The following GPD2 variants were observed in gnomAD, a reference collection of about 807,000 sequenced individuals.
The protein encoded by GPD2 is glycerol-3-phosphate dehydrogenase, mitochondrial.
GPD2 carries 54 observed loss-of-function variants against 82.4 expected under a neutral mutation model. The ratio of observed to expected loss-of-function variants is 0.66; its 90% CI spans 0.53 to 0.82. The LOEUF (loss-of-function observed/expected upper bound fraction) is 0.82, where lower values mean the gene tolerates loss of function less well. Ranked by LOEUF, GPD2 falls within the 40% of genes least tolerant of loss-of-function variation. The pLI, the probability that GPD2 is intolerant of heterozygous loss-of-function variation, is 0.00. For synonymous variants in GPD2, 288 were observed against 306.1 expected (o/e 0.94, Z 0.62); for missense variants, 748 against 896.2 (o/e 0.83, Z 2.11).
intron 2 of GPD2, among the ~76,000 whole-genome samples, chr2:156,488,572 T>C (rs1352461739): frequency 2.0e-5 from 3 of 152,190 alleles, no homozygotes; most frequent in Admixed American, 6.5e-5. Flanking sequence ...ACACTAATTA[T>C]TAGATCTTGT....
At chr2:156,502,467 C>T (rs1330005208) in intron 3 of GPD2, among the ~76,000 whole-genome samples, 2 of 152,162 alleles carry the variant, frequency 1.3e-5, no homozygotes, top group East Asian at 3.8e-4. Flanking sequence ...CACTCTATTA[C>T]CCAGGCTGGA....
intron 6 of GPD2, among the ~76,000 whole-genome samples, chr2:156,525,764 A>G (rs1242765326): frequency 1.3e-5 from 2 of 152,176 alleles, no homozygotes; most frequent in Non-Finnish European, 2.9e-5. Context: ...AGATAATTTC[A>G]TTTTGCTTTA....
the GPD2 span, among the ~76,000 whole-genome samples, chr2:156,429,261 A>G: frequency 6.6e-6 from 1 of 152,214 alleles, no homozygotes; most frequent in Admixed American, 6.5e-5. Flanking sequence ...CTCTTTCACT[A>G]GGATGATAAC....
the GPD2 span, among the ~76,000 whole-genome samples, chr2:156,405,435 G>C: frequency 6.6e-6 from 1 of 152,182 alleles, no homozygotes; most frequent in Non-Finnish European, 1.5e-5. Context: ...ATATCACACA[G>C]AGAAAAGAGT....
chr2:156,555,814 G>A (rs1367225665), intron 8 of GPD2, among the ~76,000 whole-genome samples: 1 of 152,092 alleles, frequency 6.6e-6, no homozygotes, highest in Non-Finnish European at 1.5e-5. Context: ...AGTGAAGGTG[G>A]GACTCTGAGC....
At chr2:156,569,670 G>A (rs1687538128) in intron 11 of GPD2, 132 bp downstream of exon 11, 3 of 758,548 alleles carry the variant, frequency 4.0e-6, no homozygotes, top group Middle Eastern at 3.5e-4. Flanking sequence ...AGTCTGTTAT[G>A]GAAGGAAAAA....
chr2:156,433,771 C>A (rs1045502694), upstream of GPD2, among the ~76,000 whole-genome samples: 6 of 152,096 alleles, frequency 3.9e-5, no homozygotes, highest in African/African-American at 1.4e-4. Context: ...TGGACCAGAT[C>A]GCTCACCTAA....
chr2:156,485,334 G>A (rs1683900065), intron 2 of GPD2, among the ~76,000 whole-genome samples: 1 of 152,226 alleles, frequency 6.6e-6, no homozygotes, highest in South Asian at 2.1e-4. Flanking sequence ...AGAGCCATCA[G>A]CGTTATGTCA....
In GPD2 at chr2:156,585,759, G is replaced by A. The variant is rs1195453212; in HGVS notation, c.*2841G>A. On this transcript the variant is annotated 3_prime_UTR_variant, in exon 17 of 17. Coordinates refer to ENST00000438166, the MANE Select transcript of GPD2 (RefSeq NM_000408.5). Reference sequence around the variant, plus strand: ...CTCTTATGTATCTGTAAAGATTTTTGGCATATGAATGTAATATTAAAGTCA... The same window carrying A: ...CTCTTATGTATCTGTAAAGATTTTTAGCATATGAATGTAATATTAAAGTCA... The A allele has an allele frequency of 1.3e-5, 2 of 152,284 alleles. No individual in the cohort carries two copies. The highest frequency in any genetic ancestry group is 2.4e-5 in the African/African-American group (1 of 41,338). 9.4% of individuals were successfully genotyped at this position (152,284 alleles called of 1,614,324 possible).
At chr2:156,409,077 C>A in the GPD2 span, among the ~76,000 whole-genome samples, 2 of 152,126 alleles carry the variant, frequency 1.3e-5, no homozygotes, top group Non-Finnish European at 2.9e-5. Context: ...TAAGAAAAAA[C>A]CACCAGAAGC....
At chr2:156,553,013 C>T (rs1216554674) in intron 8 of GPD2, among the ~76,000 whole-genome samples, 1 of 150,796 alleles carries the variant, frequency 6.6e-6, no homozygotes, top group African/African-American at 2.4e-5. Context: ...GATTCTCCTG[C>T]CTCAGCCTCC....
At chr2:156,462,339 C>T (rs909351158) in intron 1 of GPD2, among the ~76,000 whole-genome samples, 1 of 151,716 alleles carries the variant, frequency 6.6e-6, no homozygotes, top group Non-Finnish European at 1.5e-5. Context: ...AGGCTGGAGT[C>T]CAATGGCGTG....
intron 6 of GPD2, among the ~76,000 whole-genome samples, chr2:156,535,667 T>A (rs887054666): frequency 2.6e-5 from 4 of 152,222 alleles, no homozygotes; most frequent in Non-Finnish European, 4.4e-5. Context: ...GATTTGGAAG[T>A]GAATTAATAA....
At chr2:156,404,742 T>C in the GPD2 span, among the ~76,000 whole-genome samples, 1 of 133,294 alleles carries the variant, frequency 7.5e-6, no homozygotes, top group East Asian at 2.5e-4. Flanking sequence ...GTAATCCCAC[T>C]ATTCAGGAGG....
intron 1 of GPD2, among the ~76,000 whole-genome samples, chr2:156,444,092 G>A (rs527451134): frequency 1.3e-5 from 2 of 152,296 alleles, no homozygotes; most frequent in East Asian, 1.9e-4. Context: ...GGATGAATTT[G>A]AAGTCCATGG....
rs570109760 is a variant in GPD2, at chr2:156,455,002, A to C, written c.-9+18489A>C. Among the ~76,000 whole-genome samples, 14 of 152,146 alleles carry C rather than the reference A, an allele frequency of 9.2e-5. No homozygotes were observed. In the East Asian group the frequency reaches 2.3e-3, roughly 25 times the overall value. On this transcript the variant is annotated intron_variant, in intron 1 of 16. Transcript: ENST00000438166. ...GTGCTCTTAGGGCCTCTTCTCAGCC[A>C]TGATGGTGGTGTAACCCTGGGGGAG...
chr2:156,468,733 A>G (rs190148152), intron 1 of GPD2, among the ~76,000 whole-genome samples: 1 of 152,200 alleles, frequency 6.6e-6, no homozygotes, highest in East Asian at 1.9e-4. Context: ...GTATGTATAC[A>G]TATTTTTGGG....
At chr2:156,582,726 T>A in intron 16 of GPD2, 67 bp from the exon 17 acceptor site, 1 of 1,566,304 alleles carries the variant, frequency 6.4e-7, no homozygotes, top group Non-Finnish European at 8.8e-7. Context: ...TTCTAACGAT[T>A]ATGATGCCAT....
At chr2:156,514,320 A>G (rs1685117771) in intron 6 of GPD2, among the ~76,000 whole-genome samples, 2 of 152,100 alleles carry the variant, frequency 1.3e-5, no homozygotes, top group Admixed American at 6.6e-5. Context: ...TTTATAAGGA[A>G]ATAGCTGAAC....
Sources: allele counts gnomAD v4.1 joint callset (sites outside exome capture counted in the v4.1 genomes callset), GRCh38; gene constraint gnomAD v4.1.1; transcripts MANE v1.5; gene names NCBI Gene and HGNC (gene_info 2026-07-23, HGNC 2026-07-21).